Variants in NMBR observed in about 807,000 individuals in gnomAD.
The protein encoded by NMBR is neuromedin B receptor, also known as neuromedin-B receptor.
A neutral mutation model predicts 20.5 loss-of-function variants in NMBR; 16 were observed. That is an observed-to-expected ratio of 0.78 (90% confidence interval 0.53 to 1.19). The LOEUF is 1.19. NMBR is among the 50% of genes most tolerant of loss of function. The pLI is 0.00. For synonymous variants in NMBR, 212 were observed against 196.6 expected, an observed-to-expected ratio of 1.08 and a Z score of -0.65; for missense variants, 582 against 499.1, an observed-to-expected ratio of 1.17 and a Z score of -1.58.
At chr6:142,084,483 T>C (rs9496260) in intron 2 of NMBR, among the ~76,000 whole-genome samples, 33 of 152,300 alleles carry the variant, frequency 2.2e-4, no homozygotes, top group African/African-American at 7.5e-4. Flanking sequence ...CTAATATTAG[T>C]TTATTTTTAT....
intron 1 of NMBR, among the ~76,000 whole-genome samples, chr6:142,103,987 C>A (rs1212317696): frequency 6.6e-6 from 1 of 152,138 alleles, no homozygotes; most frequent in Non-Finnish European, 1.5e-5. Context: ...ATACCATACT[C>A]TAGGATTTTG....
At chr6:142,138,153 A>G (rs1778296384) in intron 1 of NMBR, among the ~76,000 whole-genome samples, 2 of 152,242 alleles carry the variant, frequency 1.3e-5, no homozygotes, top group South Asian at 4.1e-4. Flanking sequence ...CCTTACCAAC[A>G]ATCATTTGAT....
In NMBR at chr6:142,088,372, C is replaced by A; in HGVS notation, c.287G>T (p.Cys96Phe). 6.2e-7 allele frequency: 1 copy of A among 1,614,164 alleles called. No homozygotes were observed. The highest frequency in any genetic ancestry group is 8.5e-7 in the Non-Finnish European group (1 of 1,180,030). ...GTAGCGCGAGGCGTCCACCGGGACG[C>A]AGGTGAGCAGCAGCAGCAAGTCCCC... ...AAGDLLLLLTCVPVDASRYFF... is the reference protein window; with the variant it reads ...AAGDLLLLLTFVPVDASRYFF... The change falls in exon 2 of 4, where the codon TGC becomes TTC. Residue 96 changes from cysteine (C) to phenylalanine (F), a missense_variant. Coordinates refer to ENST00000258042, the MANE Select transcript of NMBR (RefSeq NM_002511.4).
chr6:142,143,612 G>A (rs1367163460), intron 1 of NMBR, among the ~76,000 whole-genome samples: 1 of 152,154 alleles, frequency 6.6e-6, no homozygotes, highest in East Asian at 1.9e-4. Flanking sequence ...TGTCGAGTAA[G>A]GCTTGGCAGT....
intron 1 of NMBR, among the ~76,000 whole-genome samples, chr6:142,133,376 C>G (rs913795754): frequency 1.3e-5 from 2 of 152,062 alleles, no homozygotes; most frequent in Admixed American, 1.3e-4. Flanking sequence ...CAGGAAGTGT[C>G]TTTAGATGTT....
intron 1 of NMBR, among the ~76,000 whole-genome samples, chr6:142,101,802 C>T (rs578076361): frequency 1.3e-5 from 2 of 152,290 alleles, no homozygotes; most frequent in East Asian, 1.9e-4. Context: ...TAGCACCACT[C>T]TCAGTTACCA....
chr6:142,102,057 A>G (rs1036829196), intron 1 of NMBR, among the ~76,000 whole-genome samples: 1 of 152,156 alleles, frequency 6.6e-6, no homozygotes, highest in African/African-American at 2.4e-5. Context: ...TCATGAACCA[A>G]ACCAACTACA....
intron 1 of NMBR, among the ~76,000 whole-genome samples, chr6:142,134,325 G>C (rs1778206523): frequency 1.3e-5 from 2 of 152,138 alleles, no homozygotes; most frequent in African/African-American, 4.8e-5. Flanking sequence ...CAGTCATTGA[G>C]AGGCAATTAC....
chr6:142,142,746 A>C (rs1778379018), intron 1 of NMBR, among the ~76,000 whole-genome samples: 1 of 152,116 alleles, frequency 6.6e-6, no homozygotes, highest in Admixed American at 6.6e-5. Flanking sequence ...CTTTATTCAC[A>C]GACATGGTCA....
At chr6:142,126,059 A>G (rs182411641) in intron 1 of NMBR, among the ~76,000 whole-genome samples, 1 of 151,916 alleles carries the variant, frequency 6.6e-6, no homozygotes, top group Admixed American at 6.6e-5. Context: ...CCCACTCCCC[A>G]CTAGCTTCTG....
intron 1 of NMBR, among the ~76,000 whole-genome samples, chr6:142,126,079 A>T (rs144466737): frequency 1.1e-3 from 169 of 151,986 alleles, no homozygotes; most frequent in African/African-American, 3.8e-3. Context: ...GGCAATCACC[A>T]TTCTACTCTC....
At chr6:142,111,134 G>A (rs142529882) in intron 1 of NMBR, among the ~76,000 whole-genome samples, 2,180 of 152,062 alleles carry the variant, frequency 0.014, 55 homozygotes, top group African/African-American at 0.05. Flanking sequence ...CAACTACTCA[G>A]GAGTCTGAGG....
chr6:142,099,511 C>G (rs1009880879), intron 1 of NMBR, among the ~76,000 whole-genome samples: 3 of 152,112 alleles, frequency 2.0e-5, no homozygotes, highest in African/African-American at 7.2e-5. Flanking sequence ...ATCATGAAAA[C>G]AACAAGGGGG....
intron 1 of NMBR, among the ~76,000 whole-genome samples, chr6:142,118,670 T>C (rs1055095790): frequency 6.6e-6 from 1 of 151,998 alleles, no homozygotes; most frequent in African/African-American, 2.4e-5. Flanking sequence ...TAGAAAACAT[T>C]TACAGACTTG....
Position 142,122,638 on chromosome 6 carries a change from T to G in NMBR, c.-664+24406A>C, listed in dbSNP as rs552251997. On this transcript the variant is annotated intron_variant, in intron 1 of 3. Transcript: ENST00000258042. ...GACAGGCCTGACTCTTGTTAGGAGC[T>G]AATACAGTTGGTAACTTAAAGTTGG... Among the ~76,000 whole-genome samples, 234 of 152,080 alleles carry G rather than the reference T, an allele frequency of 1.5e-3. 2 individuals carry two copies. The highest frequency in any genetic ancestry group is 0.014 in the South Asian group (69 of 4,824).
At chr6:142,084,025 A>T (rs1777154609) in intron 2 of NMBR, among the ~76,000 whole-genome samples, 1 of 152,200 alleles carries the variant, frequency 6.6e-6, no homozygotes. Flanking sequence ...GGAGCAAAAA[A>T]GAAAGCATCA....
chr6:142,087,769 T>A (rs1391937406), intron 2 of NMBR, among the ~76,000 whole-genome samples: 2 of 152,182 alleles, frequency 1.3e-5, no homozygotes, highest in Admixed American at 6.5e-5. Context: ...TAAGTTCTCC[T>A]CTTACTTGAA....
Position 142,105,971 on chromosome 6 carries a change from A to T in NMBR, c.-663-16650T>A, listed in dbSNP as rs188696283. Among the ~76,000 whole-genome samples the T allele has an allele frequency of 1.8e-3, 276 of 152,290 alleles. 2 individuals are homozygous for T. Among genetic ancestry groups the T allele is most frequent in the African/African-American group, 5.9e-3 (245 of 41,562 alleles). On this transcript the variant is annotated intron_variant, in intron 1 of 3. Transcript: ENST00000258042. ...ATTTTAACTTACAAATGATGTAGAC[A>T]TTTTATGATTATCTATTACTTAATC...
At chr6:142,120,326 G>C (rs1337093497) in intron 1 of NMBR, among the ~76,000 whole-genome samples, 1 of 151,938 alleles carries the variant, frequency 6.6e-6, no homozygotes, top group African/African-American at 2.4e-5. Flanking sequence ...TCCAGAGGCA[G>C]TTTCACACCA....
Sources: gnomAD v4.1 joint callset for allele counts (sites outside exome capture counted in the v4.1 genomes callset) on GRCh38, gnomAD v4.1.1 for gene constraint, MANE v1.5 for transcripts, NCBI Gene and HGNC (gene_info 2026-07-23, HGNC 2026-07-21) for gene names.